FBXO17: variants seen among roughly 807,000 people sequenced by gnomAD.
FBXO17 encodes the protein F-box only protein 17.
In FBXO17, 43 loss-of-function variants were observed where a neutral mutation model predicts 34.1. The observed-to-expected ratio is 1.26, with a 90% CI of 0.99 to 1.62. FBXO17 has a LOEUF of 1.62. FBXO17 is among the 40% of genes most tolerant of loss of function. FBXO17 has a pLI of 0.00. For synonymous variants in FBXO17, 169 were observed against 166.0 expected, an observed-to-expected ratio of 1.02 and a Z score of -0.14; for missense variants, 424 against 386.7, an observed-to-expected ratio of 1.10 and a Z score of -0.81.
At chr19:38,954,919 A>C (rs1975144115) in intron 1 of FBXO17, among the ~76,000 whole-genome samples, 1 of 129,542 alleles carries the variant, frequency 7.7e-6, no homozygotes, top group Non-Finnish European at 1.6e-5. Flanking sequence ...TATTATTATT[A>C]TTATTATTAT....
chr19:38,950,630 C>G (rs1298397661), intron 1 of FBXO17, among the ~76,000 whole-genome samples: 2 of 152,224 alleles, frequency 1.3e-5, no homozygotes, highest in African/African-American at 4.8e-5. Flanking sequence ...GGCAAAAGAA[C>G]TAACATAACT....
intron 1 of FBXO17, among the ~76,000 whole-genome samples, chr19:38,968,457 G>C (rs1975348898): frequency 6.7e-6 from 1 of 150,014 alleles, no homozygotes; most frequent in African/African-American, 2.5e-5. Context: ...CCACCCTCCA[G>C]CTTGGGAGAC....
chr19:38,951,640 A>T (rs1975085138), intron 1 of FBXO17, among the ~76,000 whole-genome samples: 1 of 147,852 alleles, frequency 6.8e-6, no homozygotes, highest in East Asian at 2.0e-4. Flanking sequence ...ATCTCTCTTG[A>T]GTTTGGCTTT....
chr19:38,956,127 G>A (rs185500447), intron 1 of FBXO17, among the ~76,000 whole-genome samples: 10 of 152,042 alleles, frequency 6.6e-5, no homozygotes, highest in Admixed American at 5.9e-4. Context: ...GTAGCGGAGC[G>A]TGGTGGTGGG....
chr19:38,959,850 T>C (rs1975222594), intron 1 of FBXO17, among the ~76,000 whole-genome samples: 1 of 152,040 alleles, frequency 6.6e-6, no homozygotes. Flanking sequence ...GAGCTATGAT[T>C]GCACTACTGC....
chr19:38,953,798 C>T (rs553674568), intron 1 of FBXO17, among the ~76,000 whole-genome samples: 2 of 151,956 alleles, frequency 1.3e-5, no homozygotes, highest in African/African-American at 4.8e-5. Flanking sequence ...GAACCAGGGA[C>T]GGTGGCTGGA....
intron 1 of FBXO17, among the ~76,000 whole-genome samples, chr19:38,962,190 CA>C (rs1186919438): frequency 1.4e-3 from 189 of 132,398 alleles, no homozygotes; most frequent in Middle Eastern, 7.5e-3. Flanking sequence ...AACTTCGTCT[CA>C]AAAAAAAAAA....
In FBXO17 at chr19:38,948,654, TC is replaced by T. The variant is rs1975024627; in HGVS notation, c.373del (p.Glu125SerfsTer9). ...GEQGFRGWEV[E>X]HGGNGWAIEK... ...TATGGCCCAGCCGTTCCCGCCATGC[TC>T]CACCTCCCAGCCTCTGAAGCCCTCT... is the stretch of plus-strand genomic sequence containing the variant. On this transcript the variant is annotated frameshift_variant, in exon 3 of 6. Coordinates refer to ENST00000292852, the MANE Select transcript of FBXO17 (RefSeq NM_024907.7). LOFTEE classifies it high-confidence loss of function. The T allele has an allele frequency of 1.2e-6, 2 of 1,613,966 alleles. No individual in the cohort carries two copies. Among genetic ancestry groups the T allele is most frequent in the African/African-American group, 1.3e-5 (1 of 74,922 alleles).
Position 38,942,716 on chromosome 19 carries a change from G to T in FBXO17, c.729C>A (p.Ile243=), listed in dbSNP as rs768375218. 2.7e-5 allele frequency: 43 copies of T among 1,606,458 alleles called. No individual in the cohort carries two copies. The highest frequency in any genetic ancestry group is 5.1e-6 in the Non-Finnish European group (6 of 1,176,976). Residue 243 remains isoleucine, a synonymous_variant, in exon 6 of 6, where the codon ATC becomes ATA. Coordinates refer to ENST00000292852, the MANE Select transcript of FBXO17 (RefSeq NM_024907.7). ...CGTACTGCTCAAAAGATACGTAGCG[G>T]ATGCCCTTGCCAAAGTTGGTGAAGA... ...SHVFTNFGKG[I]RYVSFEQYGR...
chr19:38,945,246 C>T (rs1174895844), intron 4 of FBXO17, 142 bp from the exon 5 acceptor site: 5 of 1,125,032 alleles, frequency 4.4e-6, no homozygotes, highest in Admixed American at 2.5e-5. Context: ...GCCTGGGAAC[C>T]TCTAGGGGAG....
chr19:38,951,313 A>C (rs1975080757), intron 1 of FBXO17, among the ~76,000 whole-genome samples: 1 of 150,742 alleles, frequency 6.6e-6, no homozygotes, highest in Admixed American at 6.6e-5. Flanking sequence ...CTATAGGTGC[A>C]TGCCACTATG....
chr19:38,968,614 C>T (rs1975351130), intron 1 of FBXO17, among the ~76,000 whole-genome samples: 1 of 152,020 alleles, frequency 6.6e-6, no homozygotes, highest in Admixed American at 6.6e-5. Context: ...CTCTCATATG[C>T]TAATGTTCAT....
chr19:38,948,956 G>C (rs981628829), intron 2 of FBXO17, among the ~76,000 whole-genome samples: 3 of 152,156 alleles, frequency 2.0e-5, no homozygotes, highest in Admixed American at 6.6e-5. Context: ...GAGAGACAGG[G>C]TCTCACTCTG....
intron 1 of FBXO17, among the ~76,000 whole-genome samples, chr19:38,970,061 C>A (rs890005828): frequency 6.6e-6 from 1 of 151,922 alleles, no homozygotes; most frequent in Non-Finnish European, 1.5e-5. Flanking sequence ...GTAGCACATA[C>A]AAATAAGTCA....
Position 38,942,552 on chromosome 19 carries a change from C to T in FBXO17, c.*56G>A, listed in dbSNP as rs1040170475. 1.2e-5 allele frequency: 17 copies of T among 1,476,600 alleles called. No individual in the cohort carries two copies. The South Asian group carries it at 2.4e-4, about 20-fold the overall frequency. 91.5% of individuals were successfully genotyped at this position (1,476,600 alleles called of 1,614,324 possible). A position where few individuals can be genotyped will look rare whatever the true frequency, so the allele number is the denominator to read the frequency against. On this transcript the variant is annotated 3_prime_UTR_variant, in exon 6 of 6. Transcript: ENST00000292852. ...GCTGGGATTCCACAGGTGTGAGCCA[C>T]TGCACCTGGCTGCAAGGCTGGTCTT...
intron 1 of FBXO17, among the ~76,000 whole-genome samples, chr19:38,974,736 C>G (rs1975439091): frequency 6.6e-6 from 1 of 152,082 alleles, no homozygotes; most frequent in Non-Finnish European, 1.5e-5. Flanking sequence ...AAACGAGGCA[C>G]CAGCGATCAC....
chr19:38,942,857 GT>G (rs11313800), intron 5 of FBXO17, 106 bp from the exon 6 acceptor site: 894,870 of 1,372,410 alleles, frequency 0.65, 297,848 homozygotes, highest in East Asian at 0.96. Flanking sequence ...TCCTGCGCTA[GT>G]TTGCTGGGGA....
At position 38,942,592 on chromosome 19, in the gene FBXO17, G is replaced by C; in HGVS notation, c.*16C>G. 6.5e-7 allele frequency: 1 copy of C among 1,534,430 alleles called. No individual in the cohort carries two copies. The highest frequency in any genetic ancestry group is 2.5e-5 in the East Asian group (1 of 39,668). On this transcript the variant is annotated 3_prime_UTR_variant, in exon 6 of 6. Transcript: ENST00000292852. ...AGGCTGGTCTTGACTGACAACGTCA[G>C]GCAGTAGTCCAGTCGCTAGGACAGA...
intron 1 of FBXO17, among the ~76,000 whole-genome samples, chr19:38,973,117 G>GT (rs1252306256): frequency 6.6e-6 from 1 of 151,894 alleles, no homozygotes; most frequent in East Asian, 2.0e-4. Context: ...GCTCACGCTT[G>GT]TAATTCCAGC....
Sources: allele counts gnomAD v4.1 joint callset (sites outside exome capture counted in the v4.1 genomes callset), GRCh38; gene constraint gnomAD v4.1.1; transcripts MANE v1.5; gene names NCBI Gene and HGNC (gene_info 2026-07-23, HGNC 2026-07-21).